Variants in PPP2R1A observed in about 807,000 individuals in gnomAD.
PPP2R1A encodes the protein protein phosphatase 2 scaffold subunit Aalpha, also known as serine/threonine-protein phosphatase 2A 65 kDa regulatory subunit A alpha isoform.
Under a neutral mutation model 67.1 loss-of-function variants are expected in PPP2R1A, and 15 were observed. The observed-to-expected ratio is 0.22, with a 90% CI of 0.15 to 0.34. The LOEUF (loss-of-function observed/expected upper bound fraction) is 0.34. Ranked by LOEUF, PPP2R1A falls within the 10% of genes least tolerant of loss-of-function variation. The probability of loss-of-function intolerance (pLI) is 1.00; values close to 1 mark genes in which losing one functional copy is unlikely to be tolerated. For missense variants in PPP2R1A, 369 were observed against 775.0 expected, an observed-to-expected ratio of 0.48 and a Z score of 6.22; for synonymous variants, 337 against 325.0, an observed-to-expected ratio of 1.04 and a Z score of -0.40.
chr19:52,194,973 G>A (rs2089485014), intron 1 of PPP2R1A, among the ~76,000 whole-genome samples: 1 of 152,184 alleles, frequency 6.6e-6, no homozygotes. Flanking sequence ...CAAGGAAGCA[G>A]TTGTGACAAG....
chr19:52,226,168 C>T lies in PPP2R1A; in HGVS notation c.*187C>T, dbSNP rs916086072. The T allele has an allele frequency of 1.1e-5, 10 of 901,142 alleles. No individual in the cohort carries two copies. The highest frequency in any genetic ancestry group is 2.6e-5 in the East Asian group (1 of 38,014). 55.8% of individuals were successfully genotyped at this position (901,142 alleles called of 1,614,324 possible). ...AGATGTCTCACTGTCCACCTCCCAA[C>T]GGGCTAGGGGAGCACGGGGTTGGAC... On this transcript the variant is annotated 3_prime_UTR_variant, in exon 15 of 15. Coordinates refer to ENST00000322088, the MANE Select transcript of PPP2R1A (RefSeq NM_014225.6).
At position 52,219,944 on chromosome 19, in the gene PPP2R1A, G is replaced by T; in HGVS notation, c.1302+80G>T. 1 of 1,480,400 alleles carries T rather than the reference G, an allele frequency of 6.8e-7. No homozygotes were observed. Among genetic ancestry groups the T allele is most frequent in the African/African-American group, 1.4e-5 (1 of 72,014 alleles). The allele number at this position is 1,480,400 out of a possible 1,614,324, so 91.7% of individuals were successfully genotyped here. A position where few individuals can be genotyped will look rare whatever the true frequency, so the allele number is the denominator to read the frequency against. ...GTCCAGGGCTGTGATGGGGAAACGG[G>T]GCTTTGAAGGCTTAGTGGAGGCTGT... On this transcript the variant is annotated intron_variant, in intron 10 of 14. Coordinates refer to ENST00000322088, the MANE Select transcript of PPP2R1A (RefSeq NM_014225.6). The surrounding 1 kb of genome is among the most constrained non-coding windows in gnomAD (Gnocchi z 4.0).
intron 1 of PPP2R1A, among the ~76,000 whole-genome samples, chr19:52,192,949 G>T (rs1050320517): frequency 1.3e-5 from 2 of 152,216 alleles, no homozygotes; most frequent in Non-Finnish European, 2.9e-5. Flanking sequence ...TAACAGAGAT[G>T]GCCGCAAAGC....
intron 2 of PPP2R1A, among the ~76,000 whole-genome samples, chr19:52,204,191 T>C (rs1416114211): frequency 3.9e-5 from 6 of 152,064 alleles, no homozygotes; most frequent in Non-Finnish European, 7.4e-5. Flanking sequence ...TAGCCATGGG[T>C]TGAGCAAGAT....
intron 6 of PPP2R1A, 130 bp from the exon 7 acceptor site, chr19:52,215,649 A>G (rs1204968845): frequency 1.4e-6 from 1 of 707,180 alleles, no homozygotes; most frequent in Non-Finnish European, 2.4e-6. Flanking sequence ...CTCGAATTAG[A>G]TTTTAGCACT....
rs569277326 is a variant in PPP2R1A at position 52,207,562 on chromosome 19, C to T, written c.270+1499C>T. 7.9e-5 allele frequency among the ~76,000 whole-genome samples: 12 copies of T among 152,284 alleles called. No homozygotes were observed. The South Asian group carries it at 8.3e-4, about 11-fold the overall frequency. ...AGTTCCCTGTGACCGATGTGCCTGA[C>T]GTTCATGTCAGCCAGCAGACACATC... On this transcript the variant is annotated intron_variant, in intron 3 of 14. Transcript: ENST00000322088.
chr19:52,220,981 T>C lies in PPP2R1A; in HGVS notation c.1366T>C (p.Tyr456His), dbSNP rs746735616. Residue 456 changes from tyrosine (Y) to histidine (H), a missense_variant and splice_region_variant, in exon 12 of 15, where the codon TAT becomes CAT. By Grantham distance (83) the Tyr-to-His change is moderately conservative. This residue lies in a region of PPP2R1A where 276 missense variants were observed against 508.4 expected (regional missense o/e 0.54). Transcript: ENST00000322088. ...LCMAWLVDHV[Y>H]AIREAATSNL... The stretch of plus-strand genomic sequence containing the variant: ...CTCTCACCCTCACCCTTCTGCAGTA[T>C]ATGCCATCCGCGAGGCAGCCACCAG... 10 of 1,614,212 alleles carry C rather than the reference T, an allele frequency of 6.2e-6. No homozygotes were observed. The highest frequency in any genetic ancestry group is 8.5e-6 in the Non-Finnish European group (10 of 1,180,010).
At chr19:52,200,074 G>T (rs979426141) in intron 1 of PPP2R1A, among the ~76,000 whole-genome samples, 4 of 152,214 alleles carry the variant, frequency 2.6e-5, no homozygotes, top group Non-Finnish European at 5.9e-5. Flanking sequence ...TTAGTCACTT[G>T]TAGACCTCGT....
At chr19:52,197,233 C>A (rs914547911) in intron 1 of PPP2R1A, among the ~76,000 whole-genome samples, 13 of 152,126 alleles carry the variant, frequency 8.5e-5, no homozygotes, top group Admixed American at 2.6e-4. Flanking sequence ...CTGTGACTTA[C>A]CAGTGGAAAT....
chr19:52,203,396 G>A (rs2089571018), intron 2 of PPP2R1A, among the ~76,000 whole-genome samples: 1 of 152,216 alleles, frequency 6.6e-6, no homozygotes, highest in African/African-American at 2.4e-5. Context: ...ATAAAGTGGT[G>A]AAGAAGTTGT....
At position 52,213,018 on chromosome 19, in the gene PPP2R1A, G is replaced by T; in HGVS notation, c.715G>T (p.Asp239Tyr). Residue 239 changes from aspartate (D) to tyrosine (Y), a missense_variant, in exon 6 of 15, where the codon GAT (aspartate) becomes TAT (tyrosine). By Grantham distance (160) the Asp-to-Tyr change is radical. Transcript: ENST00000322088. This position sits in a 1 kb window ranked among gnomAD's most constrained non-coding sequence, Gnocchi z 4.2. ...CATCGCCCAGCTTCTGCCCCAGGAGGATCTGGAGGCCCTGGTGATGCCCAC... is the reference window on the plus strand; with the variant it reads ...CATCGCCCAGCTTCTGCCCCAGGAGTATCTGGAGGCCCTGGTGATGCCCAC... The part of the protein sequence containing the change: ...VNIAQLLPQE[D>Y]LEALVMPTLR... The T allele has an allele frequency of 6.2e-7, 1 of 1,612,278 alleles. No individual in the cohort carries two copies. Among genetic ancestry groups the T allele is most frequent in the Non-Finnish European group, 8.5e-7 (1 of 1,179,592 alleles).
chr19:52,205,314 A>G (rs1218854273), intron 2 of PPP2R1A, among the ~76,000 whole-genome samples: 2 of 152,138 alleles, frequency 1.3e-5, no homozygotes, highest in Non-Finnish European at 2.9e-5. Context: ...CCCTTCACAT[A>G]TTCATTCTTT....
chr19:52,215,935 C>G, intron 7 of PPP2R1A, 42 bp downstream of exon 7: 1 of 1,611,250 alleles, frequency 6.2e-7, no homozygotes, highest in East Asian at 2.2e-5. Context: ...GGGTGGGTAT[C>G]CAAGGGGCTG....
chr19:52,213,077 C>T lies in PPP2R1A; in HGVS notation c.774C>T (p.Arg258=), dbSNP rs750719391. The T allele has an allele frequency of 1.4e-5, 23 of 1,596,260 alleles. No homozygotes were observed. Among genetic ancestry groups the T allele is most frequent in the South Asian group, 5.6e-5 (5 of 89,252 alleles). ...AGGCCGCTGAAGACAAGTCCTGGCG[C>T]GTCCGCTACATGGTGGCTGACAAGT... ...LRQAAEDKSW[R]VRYMVADKFT... The change falls in exon 6 of 15, where the codon CGC becomes CGT. Residue 258 remains arginine, a synonymous_variant. Transcript: ENST00000322088. The surrounding 1 kb of genome is among the most constrained non-coding windows in gnomAD (Gnocchi z 4.2).
At chr19:52,193,744 A>G (rs1443579060) in intron 1 of PPP2R1A, among the ~76,000 whole-genome samples, 2 of 151,932 alleles carry the variant, frequency 1.3e-5, no homozygotes, top group Non-Finnish European at 2.9e-5. Flanking sequence ...TAATTTTTGT[A>G]TTTTTAGTAG....
intron 1 of PPP2R1A, among the ~76,000 whole-genome samples, chr19:52,199,623 C>A (rs146247626): frequency 3.9e-5 from 6 of 152,306 alleles, no homozygotes; most frequent in African/African-American, 1.4e-4. Flanking sequence ...GTTTGCTTCT[C>A]TAGTTCTGGT....
rs180928176 is a variant in PPP2R1A, at chr19:52,213,341, C to T, written c.807+231C>T. 1.2e-3 allele frequency among the ~76,000 whole-genome samples: 175 copies of T among 151,142 alleles called. 1 individual carries two copies. Among genetic ancestry groups the T allele is most frequent in the African/African-American group, 3.8e-3 (157 of 41,144 alleles). On this transcript the variant is annotated intron_variant, in intron 6 of 14. Transcript: ENST00000322088. This position sits in a 1 kb window ranked among gnomAD's most constrained non-coding sequence, Gnocchi z 4.2. ...AGATTCTGAGGCAAAGTTAAGGCTA[C>T]GTGGAGGAAAGTGCCACAGGAGCAG... is the stretch of plus-strand genomic sequence containing the variant.
intron 10 of PPP2R1A, among the ~76,000 whole-genome samples, 161 bp downstream of exon 10, chr19:52,220,025 G>A (rs1017218570): frequency 1.3e-5 from 2 of 152,192 alleles, no homozygotes; most frequent in Non-Finnish European, 2.9e-5. Flanking sequence ...CTTAAAAGAT[G>A]CATTGGATTC....
intron 3 of PPP2R1A, among the ~76,000 whole-genome samples, chr19:52,207,709 A>G (rs745822193): frequency 3.3e-5 from 5 of 152,222 alleles, no homozygotes; most frequent in African/African-American, 4.8e-5. Flanking sequence ...TACTGATGTT[A>G]GCTGTATTGC....
Sources: gnomAD v4.1 joint callset for allele counts (sites outside exome capture counted in the v4.1 genomes callset) on GRCh38, gnomAD v4.1.1 for gene constraint, gnomAD v4.1.1 regional missense constraint, Gnocchi (gnomAD v3.1) non-coding constraint, MANE v1.5 for transcripts, NCBI Gene and HGNC (gene_info 2026-07-23, HGNC 2026-07-21) for gene names.